The following DDHD1 variants were observed in gnomAD, a reference collection of about 807,000 sequenced individuals.
The protein encoded by DDHD1 is DDHD domain containing 1.
A neutral mutation model predicts 96.4 loss-of-function variants in DDHD1; 49 were observed. That is an observed-to-expected ratio of 0.51 (90% CI 0.40 to 0.64). The LOEUF is 0.64. DDHD1 is among the 30% of genes least tolerant of loss of function. DDHD1 has a pLI of 0.00. For missense variants in DDHD1, 1,106 were observed against 1,161.2 expected, an observed-to-expected ratio of 0.95 and a Z score of 0.69; for synonymous variants, 442 against 446.5, an observed-to-expected ratio of 0.99 and a Z score of 0.13.
chr14:53,077,454 T>A (rs1434995427), intron 4 of DDHD1, among the ~76,000 whole-genome samples: 1 of 152,206 alleles, frequency 6.6e-6, no homozygotes, highest in Non-Finnish European at 1.5e-5. Flanking sequence ...AAAGGTAGGA[T>A]AAATGGTTAA....
At chr14:53,148,074 A>G (rs187304780) in intron 1 of DDHD1, among the ~76,000 whole-genome samples, 27 of 152,332 alleles carry the variant, frequency 1.8e-4, no homozygotes, top group Admixed American at 5.2e-4. Flanking sequence ...GTCTATTTCT[A>G]AAGCATCTGA....
intron 1 of DDHD1, among the ~76,000 whole-genome samples, chr14:53,108,238 C>A (rs1011596282): frequency 3.3e-5 from 5 of 152,206 alleles, no homozygotes; most frequent in African/African-American, 1.2e-4. Flanking sequence ...CTGCTCTTCC[C>A]GACTGGGCTA....
At chr14:53,070,004 G>A (rs1884376625) in intron 6 of DDHD1, among the ~76,000 whole-genome samples, 1 of 152,086 alleles carries the variant, frequency 6.6e-6, no homozygotes, top group Non-Finnish European at 1.5e-5. Context: ...CCTTTCTGAG[G>A]ATAGTTATCT....
At chr14:53,136,478 G>A (rs1457931704) in intron 1 of DDHD1, among the ~76,000 whole-genome samples, 1 of 152,128 alleles carries the variant, frequency 6.6e-6, no homozygotes, top group Non-Finnish European at 1.5e-5. Flanking sequence ...AGGGCATTTT[G>A]GCACTGTAGA....
intron 2 of DDHD1, among the ~76,000 whole-genome samples, chr14:53,099,604 G>C (rs534750928): frequency 2.0e-5 from 3 of 152,256 alleles, no homozygotes; most frequent in Admixed American, 2.0e-4. Context: ...ATTTTTTACT[G>C]ATTACTATGC....
intron 4 of DDHD1, 40 bp downstream of exon 4, chr14:53,091,745 T>C (rs1886444882): frequency 1.3e-6 from 2 of 1,594,200 alleles, no homozygotes; most frequent in South Asian, 2.3e-5. Flanking sequence ...AAAGTTTGGA[T>C]TCTAGATTAG....
rs182866985 is a variant in DDHD1, at chr14:53,078,348, C to T, written c.1290-4501G>A. Among the ~76,000 whole-genome samples the T allele has an allele frequency of 1.3e-3, 194 of 152,180 alleles. 1 individual carries two copies. Among genetic ancestry groups the T allele is most frequent in the Non-Finnish European group, 7.7e-4 (52 of 67,972 alleles). On this transcript the variant is annotated intron_variant, in intron 4 of 12. Coordinates refer to ENST00000673822, the MANE Select transcript of DDHD1 (RefSeq NM_001160148.2). Reference sequence around the variant, plus strand: ...TAAAGTGGTACCTTTAAAGTGGTAGCGTTCAAGGTCACATCTAATAACTAA... The same window carrying T: ...TAAAGTGGTACCTTTAAAGTGGTAGTGTTCAAGGTCACATCTAATAACTAA...
chr14:53,076,194 A>T (rs1014853438), intron 4 of DDHD1, among the ~76,000 whole-genome samples: 35 of 152,242 alleles, frequency 2.3e-4, no homozygotes, highest in African/African-American at 7.7e-4. Context: ...TCCGGAAGGA[A>T]CTCATCATTC....
intron 4 of DDHD1, among the ~76,000 whole-genome samples, chr14:53,080,303 G>A (rs987640763): frequency 1.3e-5 from 2 of 152,152 alleles, no homozygotes; most frequent in Non-Finnish European, 2.9e-5. Flanking sequence ...GGAGGCTGCA[G>A]TGAACTGAGA....
rs775168517 is a variant in DDHD1 at position 53,058,584 on chromosome 14, A to G, written c.1885T>C (p.Leu629=). ...CCTGGGCGGATGCCACGCAACGCCA[A>G]GAAAACTGCTAATGGGGATCCCATA... ...FCMGSPLAVF[L]ALRGIRPGNT... Residue 629 remains leucine, a synonymous_variant, in exon 9 of 13, where the codon TTG becomes CTG. Transcript: ENST00000673822. The G allele has an allele frequency of 1.2e-6, 2 of 1,613,762 alleles. No homozygotes were observed. The highest frequency in any genetic ancestry group is 3.3e-5 in the Admixed American group (2 of 59,954).
chr14:53,064,393 A>G (rs1883847591), intron 6 of DDHD1, among the ~76,000 whole-genome samples: 1 of 152,054 alleles, frequency 6.6e-6, no homozygotes, highest in Non-Finnish European at 1.5e-5. Flanking sequence ...GACAAAACAT[A>G]CCTAATCTTT....
chr14:53,080,648 T>C (rs1885382005), intron 4 of DDHD1, among the ~76,000 whole-genome samples: 2 of 151,732 alleles, frequency 1.3e-5, no homozygotes, highest in African/African-American at 2.4e-5. Flanking sequence ...TCCTAAGTTC[T>C]AGAAGAATTC....
At chr14:53,117,488 T>C (rs1297452135) in intron 1 of DDHD1, among the ~76,000 whole-genome samples, 1 of 152,214 alleles carries the variant, frequency 6.6e-6, no homozygotes, top group African/African-American at 2.4e-5. Context: ...GACCAGGAGA[T>C]ACCCTCCTGT....
chr14:53,054,013 T>C, intron 11 of DDHD1: 1 of 154,444 alleles, frequency 6.5e-6, no homozygotes, highest in East Asian at 1.9e-4. Context: ...AAGCTTTGAA[T>C]AGAAGTAGGA....
At chr14:53,141,116 A>G (rs1278788234) in intron 1 of DDHD1, among the ~76,000 whole-genome samples, 3 of 152,260 alleles carry the variant, frequency 2.0e-5, no homozygotes, top group African/African-American at 7.2e-5. Flanking sequence ...CCACAATTAT[A>G]GTGGAGACTT....
At chr14:53,059,732 C>T (rs868109106) in intron 8 of DDHD1, among the ~76,000 whole-genome samples, 54 of 149,284 alleles carry the variant, frequency 3.6e-4, no homozygotes, top group African/African-American at 7.5e-4. Context: ...GGCGTGGTGG[C>T]GGGCACCTGT....
chr14:53,130,565 T>C (rs1889794552), intron 1 of DDHD1, among the ~76,000 whole-genome samples: 1 of 152,212 alleles, frequency 6.6e-6, no homozygotes, highest in African/African-American at 2.4e-5. Flanking sequence ...TTGCCTCCGC[T>C]GTGAGACAAA....
At chr14:53,106,713 T>G (rs773590781) in intron 1 of DDHD1, among the ~76,000 whole-genome samples, 11 of 152,164 alleles carry the variant, frequency 7.2e-5, no homozygotes, top group Non-Finnish European at 1.3e-4. Context: ...AATATAATCT[T>G]TTTTCCCCTC....
intron 1 of DDHD1, among the ~76,000 whole-genome samples, chr14:53,123,663 C>G (rs988674035): frequency 1.3e-5 from 2 of 151,956 alleles, no homozygotes; most frequent in African/African-American, 4.8e-5. Flanking sequence ...AGGATGCAAA[C>G]AGAATGAGAC....
Sources: gnomAD v4.1 joint callset for allele counts (sites outside exome capture counted in the v4.1 genomes callset) on GRCh38, gnomAD v4.1.1 for gene constraint, MANE v1.5 for transcripts, NCBI Gene and HGNC (gene_info 2026-07-23, HGNC 2026-07-21) for gene names.